HTR1F: variants seen among roughly 807,000 people sequenced by gnomAD.
HTR1F encodes 5-hydroxytryptamine (serotonin) receptor 1F, G protein-coupled.
HTR1F carries 17 observed loss-of-function variants against 24.0 expected under a neutral mutation model. That is an observed-to-expected ratio of 0.71 (90% CI 0.48 to 1.06). The LOEUF (loss-of-function observed/expected upper bound fraction) is 1.06. Ranked by LOEUF, HTR1F falls within the 50% of genes least tolerant of loss-of-function variation. The pLI is 0.00. For missense variants in HTR1F, 391 were observed against 427.8 expected (o/e 0.91, Z 0.76); for synonymous variants, 186 against 156.8 (o/e 1.19, Z -1.39).
chr3:87,979,850 T>C (rs1705503030), intron 2 of HTR1F, among the ~76,000 whole-genome samples: 1 of 152,174 alleles, frequency 6.6e-6, no homozygotes, highest in African/African-American at 2.4e-5. Context: ...TGTGCAACCC[T>C]GCAGCTGAAT....
At chr3:87,928,508 G>C (rs1245161971) in intron 2 of HTR1F, among the ~76,000 whole-genome samples, 1 of 151,840 alleles carries the variant, frequency 6.6e-6, no homozygotes, top group Non-Finnish European at 1.5e-5. Context: ...ATTATTTTCT[G>C]TGTCCCTAAA....
intron 2 of HTR1F, among the ~76,000 whole-genome samples, chr3:87,849,747 C>A (rs977034813): frequency 6.6e-6 from 1 of 151,644 alleles, no homozygotes; most frequent in African/African-American, 2.4e-5. Flanking sequence ...ACAATGAACT[C>A]AAACAAATTT....
chr3:87,803,926 G>A (rs1704033255), intron 1 of HTR1F, among the ~76,000 whole-genome samples: 1 of 152,094 alleles, frequency 6.6e-6, no homozygotes, highest in South Asian at 2.1e-4. Flanking sequence ...GATTCCCAGA[G>A]ATGGTTTGTT....
intron 2 of HTR1F, among the ~76,000 whole-genome samples, chr3:87,863,566 T>A (rs955562535): frequency 6.6e-6 from 1 of 152,194 alleles, no homozygotes; most frequent in Non-Finnish European, 1.5e-5. Flanking sequence ...TTTTTTCCAG[T>A]TTCCAATAAC....
intron 2 of HTR1F, among the ~76,000 whole-genome samples, chr3:87,982,408 C>A (rs548576011): frequency 7.2e-5 from 11 of 152,264 alleles, no homozygotes; most frequent in African/African-American, 2.6e-4. Context: ...ATGCATATGA[C>A]ATTTGGGGCA....
At chr3:87,900,100 A>G (rs1438301462) in intron 2 of HTR1F, among the ~76,000 whole-genome samples, 1 of 152,186 alleles carries the variant, frequency 6.6e-6, no homozygotes, top group Non-Finnish European at 1.5e-5. Flanking sequence ...AAACCAAAAT[A>G]ATTAAGTTCA....
chr3:87,947,995 T>C (rs116133467), intron 2 of HTR1F, among the ~76,000 whole-genome samples: 1 of 152,210 alleles, frequency 6.6e-6, no homozygotes, highest in South Asian at 2.1e-4. Flanking sequence ...CTCATATGTA[T>C]GTTTTTGTCA....
chr3:87,792,915 G>T (rs571014523), intron 1 of HTR1F, among the ~76,000 whole-genome samples, 73 bp downstream of exon 1: 10 of 152,362 alleles, frequency 6.6e-5, no homozygotes, highest in African/African-American at 2.2e-4. Flanking sequence ...TGGGGAAGGG[G>T]TGTGGGGACG....
intron 2 of HTR1F, among the ~76,000 whole-genome samples, chr3:87,848,979 C>A (rs1402069282): frequency 6.6e-6 from 1 of 151,512 alleles, no homozygotes; most frequent in Non-Finnish European, 1.5e-5. Flanking sequence ...AATGGAAGAA[C>A]ATTGCATGCT....
intron 2 of HTR1F, among the ~76,000 whole-genome samples, chr3:87,875,030 A>G (rs1165044168): frequency 6.6e-6 from 1 of 152,234 alleles, no homozygotes; most frequent in Non-Finnish European, 1.5e-5. Context: ...CTGTAAAACT[A>G]TTAGAAGAAA....
At chr3:87,880,425 T>A (rs1705765725) in intron 2 of HTR1F, among the ~76,000 whole-genome samples, 1 of 152,108 alleles carries the variant, frequency 6.6e-6, no homozygotes. Context: ...ATGCCAAAAA[T>A]CTAAATTGAA....
intron 2 of HTR1F, among the ~76,000 whole-genome samples, chr3:87,956,927 C>CT (rs1389446831): frequency 1.3e-5 from 2 of 151,022 alleles, no homozygotes; most frequent in Non-Finnish European, 1.5e-5. Context: ...ACAGTGTTAT[C>CT]TTTTTTTTCT....
At chr3:87,830,719 G>GA (rs199655286) in intron 2 of HTR1F, among the ~76,000 whole-genome samples, 4 of 151,970 alleles carry the variant, frequency 2.6e-5, no homozygotes, top group East Asian at 1.9e-4. Context: ...GGATGTTTTA[G>GA]AAAAAAAATG....
intron 2 of HTR1F, among the ~76,000 whole-genome samples, chr3:87,871,599 C>T (rs984740909): frequency 1.3e-5 from 2 of 151,856 alleles, no homozygotes; most frequent in Admixed American, 6.6e-5. Context: ...AGGCCCACAG[C>T]TAGACACATT....
At chr3:87,870,447 G>A (rs970601272) in intron 2 of HTR1F, among the ~76,000 whole-genome samples, 40 of 152,188 alleles carry the variant, frequency 2.6e-4, no homozygotes, top group Middle Eastern at 3.4e-3. Context: ...CATGCACCAA[G>A]CCAAGAACAA....
At chr3:87,947,888 TTG>T (rs1326915844) in intron 2 of HTR1F, among the ~76,000 whole-genome samples, 32 of 152,170 alleles carry the variant, frequency 2.1e-4, no homozygotes, top group African/African-American at 7.2e-4. Flanking sequence ...TCGAATAATG[TTG>T]ATATGTCACT....
intron 2 of HTR1F, among the ~76,000 whole-genome samples, chr3:87,840,857 C>T (rs557606620): frequency 6.6e-6 from 1 of 151,778 alleles, no homozygotes; most frequent in East Asian, 1.9e-4. Flanking sequence ...TATCATCTCA[C>T]TTGTATGTGG....
At chr3:87,803,452 C>T (rs76661727) in intron 1 of HTR1F, among the ~76,000 whole-genome samples, 1 of 152,216 alleles carries the variant, frequency 6.6e-6, no homozygotes, top group East Asian at 1.9e-4. Context: ...GGGGGAAAAT[C>T]TATCCAGATT....
rs1308926399 is a variant in HTR1F, at chr3:87,947,251, C to A, written c.-42-43457C>A. ...AATTTTTATTACTGGAAGGACAATG[C>A]TAAATAGAAGTCTTTTACATTCACA... is the stretch of plus-strand genomic sequence containing the variant. On this transcript the variant is annotated intron_variant, in intron 2 of 2. Transcript: ENST00000319595. Among the ~76,000 whole-genome samples, 4 of 152,036 alleles carry A rather than the reference C, an allele frequency of 2.6e-5. No homozygotes were observed. The East Asian group carries it at 7.7e-4, about 29-fold the overall frequency.
Sources: allele counts gnomAD v4.1 joint callset (sites outside exome capture counted in the v4.1 genomes callset), GRCh38; gene constraint gnomAD v4.1.1; transcripts MANE v1.5; gene names NCBI Gene and HGNC (gene_info 2026-07-23, HGNC 2026-07-21).